The following CHD9 variants were observed in gnomAD, a reference collection of about 807,000 sequenced individuals.
CHD9 encodes chromodomain helicase DNA binding protein 9, also known as ATP-dependent chromatin remodeler CHD9.
CHD9 carries 77 observed loss-of-function variants against 316.1 expected under a neutral mutation model. The observed-to-expected ratio is 0.24, with a 90% confidence interval of 0.20 to 0.29. CHD9 has a LOEUF of 0.29. CHD9 is among the 10% of genes least tolerant of loss of function. The pLI is 1.00. For missense variants in CHD9, 2,763 were observed against 3,438.1 expected (o/e 0.80, Z 4.91); for synonymous variants, 1,129 against 1,158.3 (o/e 0.97, Z 0.51).
At chr16:53,066,106 A>G (rs980590588) in intron 1 of CHD9, among the ~76,000 whole-genome samples, 3 of 152,148 alleles carry the variant, frequency 2.0e-5, no homozygotes, top group African/African-American at 7.2e-5. Context: ...TCCATTATCA[A>G]ACAAACTGGG....
intron 24 of CHD9, among the ~76,000 whole-genome samples, chr16:53,285,144 A>T (rs371843366): frequency 1.3e-5 from 2 of 152,158 alleles, no homozygotes; most frequent in East Asian, 1.9e-4. Flanking sequence ...TTTCTTAGCA[A>T]TAGTGGTCTA....
intron 1 of CHD9, among the ~76,000 whole-genome samples, chr16:53,065,357 T>C (rs1310833091): frequency 6.6e-6 from 1 of 151,366 alleles, no homozygotes; most frequent in African/African-American, 2.4e-5. Flanking sequence ...ATTCTGGCCC[T>C]GTGCGGTGGC....
At chr16:53,223,747 GTGTGTTGC>G (rs1477763536) in intron 4 of CHD9, among the ~76,000 whole-genome samples, 3 of 151,990 alleles carry the variant, frequency 2.0e-5, no homozygotes, top group African/African-American at 7.3e-5. Context: ...GTTTTGACAG[GTGTGTTGC>G]TTTAACACAC....
At chr16:53,105,051 C>T (rs2037214449) in intron 1 of CHD9, among the ~76,000 whole-genome samples, 1 of 152,078 alleles carries the variant, frequency 6.6e-6, no homozygotes, top group Admixed American at 6.6e-5. Flanking sequence ...GCTAATTGCC[C>T]AGCCTGGTCT....
At chr16:53,103,038 G>A (rs1420385426) in intron 1 of CHD9, among the ~76,000 whole-genome samples, 2 of 151,676 alleles carry the variant, frequency 1.3e-5, no homozygotes, top group African/African-American at 4.8e-5. Flanking sequence ...GTGGAGAAAG[G>A]GTTTCACCAT....
Position 53,304,443 on chromosome 16 carries a change from G to A in CHD9, c.6437G>A (p.Arg2146Lys). 1 of 1,586,534 alleles carries A rather than the reference G, an allele frequency of 6.3e-7. No individual in the cohort carries two copies. Among genetic ancestry groups the A allele is most frequent in the Non-Finnish European group, 8.6e-7 (1 of 1,166,238 alleles). Residue 2146 changes from arginine to lysine, a missense_variant, in exon 31 of 39, where the codon AGA becomes AAA. Physicochemically the swap from Arg to Lys is conservative, Grantham distance 26. Around this residue, in one of 15 missense-constraint regions of CHD9, gnomAD observed 663 missense variants for 751.2 expected, o/e 0.88. Coordinates refer to ENST00000447540, the MANE Select transcript of CHD9 (RefSeq NM_001308319.2). Reference sequence around the variant, plus strand: ...TCTGAGAGATCATCTTGTTCTTCCAGATCATCTTCTTCCTCATCATCCTCT... The same window carrying A: ...TCTGAGAGATCATCTTGTTCTTCCAAATCATCTTCTTCCTCATCATCCTCT... Reference protein sequence around the residue: ...SDSERSSCSSRSSSSSSSSSC... With the variant: ...SDSERSSCSSKSSSSSSSSSC...
At chr16:53,163,775 G>T (rs575546041) in intron 2 of CHD9, among the ~76,000 whole-genome samples, 27 of 152,094 alleles carry the variant, frequency 1.8e-4, no homozygotes, top group African/African-American at 6.3e-4. Flanking sequence ...TATTTTTATC[G>T]CATATATTAC....
rs886593804 is a variant in CHD9, at chr16:53,105,884, C to T, written c.-164-50042C>T. 2.7e-5 allele frequency among the ~76,000 whole-genome samples: 4 copies of T among 149,754 alleles called. 1 individual carries two copies. Among genetic ancestry groups the T allele is most frequent in the Admixed American group, 2.0e-4 (3 of 14,876 alleles). On this transcript the variant is annotated intron_variant, in intron 1 of 38. Transcript: ENST00000447540. Reference sequence around the variant, plus strand: ...TGTTTCTCAGGCTGGAGTGCAATAGCGCGGTCTTGGTCACTACAGCCTCCG... The same window carrying T: ...TGTTTCTCAGGCTGGAGTGCAATAGTGCGGTCTTGGTCACTACAGCCTCCG...
At chr16:53,172,148 A>G (rs1016273216) in intron 2 of CHD9, among the ~76,000 whole-genome samples, 3 of 152,100 alleles carry the variant, frequency 2.0e-5, no homozygotes, top group Non-Finnish European at 2.9e-5. Context: ...GAACATACTC[A>G]TTACCCCCAA....
chr16:53,264,963 T>C (rs1178600654), intron 20 of CHD9, among the ~76,000 whole-genome samples: 2 of 152,200 alleles, frequency 1.3e-5, no homozygotes, highest in Non-Finnish European at 2.9e-5. Flanking sequence ...GCGTTAAGGA[T>C]TTTGTAAATA....
chr16:53,163,250 GC>G (rs1396789570), intron 2 of CHD9, among the ~76,000 whole-genome samples: 2 of 151,652 alleles, frequency 1.3e-5, no homozygotes, highest in Non-Finnish European at 2.9e-5. Flanking sequence ...CACTTTTGTT[GC>G]CCAGGCTAAA....
At chr16:53,291,527 G>T (rs780779120) in intron 27 of CHD9, among the ~76,000 whole-genome samples, 198 bp from the exon 28 acceptor site, 3 of 152,200 alleles carry the variant, frequency 2.0e-5, no homozygotes, top group Admixed American at 6.5e-5. Flanking sequence ...CTGTCTAATT[G>T]TCAAAAGCAA....
chr16:53,140,138 A>C (rs2039995839), intron 1 of CHD9, among the ~76,000 whole-genome samples: 1 of 151,910 alleles, frequency 6.6e-6, no homozygotes, highest in Non-Finnish European at 1.5e-5. Flanking sequence ...TTCTATTTTT[A>C]ATATGAATTG....
At position 53,303,745 on chromosome 16, in the gene CHD9, C is replaced by G. The variant is rs759590007; in HGVS notation, c.5739C>G (p.Ile1913Met). Residue 1913 changes from isoleucine to methionine, a missense_variant, in exon 31 of 39, where the codon ATC (isoleucine) becomes ATG (methionine). By Grantham distance (10) the Ile-to-Met change is conservative. Coordinates refer to ENST00000447540, the MANE Select transcript of CHD9 (RefSeq NM_001308319.2). ...AATTGGTGGATCCAAATATTTTTAT[C>G]CAGCCCATCACAGAAGAACGTGCTT... ...KEELVDPNIF[I>M]QPITEERASR... 1 of 1,603,540 alleles carries G rather than the reference C, an allele frequency of 6.2e-7. No homozygotes were observed.
rs188913767 is a variant in CHD9 at position 53,251,472 on chromosome 16, C to T, written c.3861+1406C>T. Among the ~76,000 whole-genome samples, 274 of 152,264 alleles carry T rather than the reference C, an allele frequency of 1.8e-3. 2 individuals carry two copies. The highest frequency in any genetic ancestry group is 5.7e-3 in the African/African-American group (237 of 41,558). ...TACAGACTAAGATAATATTTGGCCT[C>T]TTGTACTTCCCCTACACCTAGAGCA... is the stretch of plus-strand genomic sequence containing the variant. On this transcript the variant is annotated intron_variant, in intron 17 of 38. Coordinates refer to ENST00000447540, the MANE Select transcript of CHD9 (RefSeq NM_001308319.2).
intron 11 of CHD9, 63 bp from the exon 12 acceptor site, chr16:53,238,276 ATATT>A: frequency 7.7e-7 from 1 of 1,299,790 alleles, no homozygotes. Context: ...TTATTTTTGT[ATATT>A]TATCTTTAAA....
chr16:53,208,873 C>G (rs190982307), intron 2 of CHD9, among the ~76,000 whole-genome samples: 4 of 152,048 alleles, frequency 2.6e-5, no homozygotes, highest in Admixed American at 6.6e-5. Flanking sequence ...ATTGCTTGAG[C>G]AAAATAATTA....
intron 2 of CHD9, among the ~76,000 whole-genome samples, chr16:53,161,157 A>G (rs901694719): frequency 3.3e-5 from 5 of 152,164 alleles, no homozygotes; most frequent in African/African-American, 9.7e-5. Context: ...TTAAACAGTG[A>G]TATTTGGGAT....
intron 12 of CHD9, among the ~76,000 whole-genome samples, 167 bp downstream of exon 12, chr16:53,238,753 G>A (rs551233309): frequency 2.0e-5 from 3 of 152,202 alleles, no homozygotes; most frequent in African/African-American, 7.2e-5. Flanking sequence ...TTGAGCAGCT[G>A]AAGAGAACAA....
Sources: allele counts gnomAD v4.1 joint callset (sites outside exome capture counted in the v4.1 genomes callset), GRCh38; gene constraint gnomAD v4.1.1; regional missense constraint gnomAD v4.1.1; transcripts MANE v1.5; gene names NCBI Gene and HGNC (gene_info 2026-07-23, HGNC 2026-07-21).